Variants in PRKCB observed in about 807,000 individuals in gnomAD.
PRKCB encodes the protein protein kinase C beta type.
A neutral mutation model predicts 81.5 loss-of-function variants in PRKCB; 13 were observed. That is an observed-to-expected ratio of 0.16 (90% CI 0.10 to 0.25). PRKCB has a LOEUF of 0.25. PRKCB is among the 10% of genes least tolerant of loss of function. The pLI, the probability that PRKCB is intolerant of heterozygous loss-of-function variation, is 1.00. For missense variants in PRKCB, 509 were observed against 875.7 expected (o/e 0.58, Z 5.29); for synonymous variants, 335 against 321.4 (o/e 1.04, Z -0.45).
At chr16:23,897,053 C>T (rs1963392072) in intron 2 of PRKCB, among the ~76,000 whole-genome samples, 1 of 152,184 alleles carries the variant, frequency 6.6e-6, no homozygotes, top group Non-Finnish European at 1.5e-5. Context: ...TGAGTGCCTA[C>T]TGTGTGCCAG....
At chr16:24,194,528 A>T (rs1308604621) in intron 16 of PRKCB, among the ~76,000 whole-genome samples, 3 of 152,228 alleles carry the variant, frequency 2.0e-5, no homozygotes, top group Non-Finnish European at 4.4e-5. Flanking sequence ...TTTAGCCAGC[A>T]TCTGTTAGCA....
chr16:24,178,708 G>T (rs1361052862), intron 12 of PRKCB, among the ~76,000 whole-genome samples: 1 of 152,220 alleles, frequency 6.6e-6, no homozygotes, highest in Admixed American at 6.5e-5. Flanking sequence ...AGCGCCAAAG[G>T]CATGGCGTGT....
At chr16:24,174,829 CT>C in intron 12 of PRKCB, 1 of 427,384 alleles carries the variant, frequency 2.3e-6, no homozygotes, top group Non-Finnish European at 4.2e-6. Flanking sequence ...AAACAGGAGA[CT>C]GTTTGCTCTA....
chr16:24,063,725 G>C (rs974673995), intron 5 of PRKCB, among the ~76,000 whole-genome samples: 2 of 152,160 alleles, frequency 1.3e-5, no homozygotes, highest in Non-Finnish European at 1.5e-5. Flanking sequence ...TGCTGTGGCA[G>C]GAAGAATGTT....
chr16:24,109,486 C>T (rs1188778326), intron 7 of PRKCB, among the ~76,000 whole-genome samples: 3 of 111,784 alleles, frequency 2.7e-5, no homozygotes, highest in East Asian at 5.0e-4. Context: ...GGGGCAGAGG[C>T]GCTCCCCACA....
chr16:24,080,872 T>C (rs910412896), intron 5 of PRKCB, among the ~76,000 whole-genome samples: 1 of 152,214 alleles, frequency 6.6e-6, no homozygotes, highest in Non-Finnish European at 1.5e-5. Context: ...TGGTAAATTC[T>C]ACCAACACTT....
chr16:24,200,683 A>G (rs1026631624), intron 16 of PRKCB, among the ~76,000 whole-genome samples: 3 of 152,200 alleles, frequency 2.0e-5, no homozygotes, highest in Admixed American at 2.0e-4. Context: ...ATGTGTGTGC[A>G]TATATATGCA....
At chr16:23,880,808 A>G (rs1963094424) in intron 2 of PRKCB, among the ~76,000 whole-genome samples, 1 of 152,146 alleles carries the variant, frequency 6.6e-6, no homozygotes, top group South Asian at 2.1e-4. Flanking sequence ...AAATGTTAAT[A>G]CCTTGCTATC....
intron 16 of PRKCB, among the ~76,000 whole-genome samples, chr16:24,208,838 C>T (rs777749597): frequency 6.6e-6 from 1 of 152,194 alleles, no homozygotes; most frequent in Non-Finnish European, 1.5e-5. Context: ...ATTTGAAAAA[C>T]ACAGAAACAC....
rs1204149511 is a variant in PRKCB, at chr16:23,890,395, A to G, written c.205+52989A>G. 4.6e-5 allele frequency among the ~76,000 whole-genome samples: 7 copies of G among 152,118 alleles called. No individual in the cohort carries two copies. In the East Asian group the frequency reaches 1.3e-3, roughly 29 times the overall value. ...TTGTAGGGGCCTTTAATCTTTCTGT[A>G]ACTGTGATTCCCCAGAACAGGATGC... On this transcript the variant is annotated intron_variant, in intron 2 of 16. Transcript: ENST00000643927.
chr16:23,990,100 A>C (rs1964862849), intron 3 of PRKCB, among the ~76,000 whole-genome samples: 1 of 152,168 alleles, frequency 6.6e-6, no homozygotes, highest in Non-Finnish European at 1.5e-5. Context: ...GTCCATGATG[A>C]TGCTGATGAG....
chr16:24,166,258 T>C (rs1967346143), intron 10 of PRKCB, among the ~76,000 whole-genome samples: 1 of 152,190 alleles, frequency 6.6e-6, no homozygotes. Flanking sequence ...TATTTTAAAA[T>C]AATTGTGTGT....
chr16:24,103,329 T>G (rs1474985474), intron 7 of PRKCB, among the ~76,000 whole-genome samples: 2 of 152,346 alleles, frequency 1.3e-5, no homozygotes, highest in Admixed American at 6.5e-5. Context: ...ACCCCTAGAA[T>G]TAGATTTTTG....
rs558583777 is a variant in PRKCB at position 24,217,590 on chromosome 16, G to T, written c.*2774G>T. On this transcript the variant is annotated 3_prime_UTR_variant, in exon 17 of 17. Coordinates refer to ENST00000643927, the MANE Select transcript of PRKCB (RefSeq NM_002738.7). ...TATTTTCTCTGGGGATCTGCCCACA[G>T]GACAAAGTCCATAAAAGCAAGTCCT... The T allele has an allele frequency of 3.0e-6, 3 of 985,400 alleles. No homozygotes were observed. The South Asian group carries it at 1.4e-4, about 46-fold the overall frequency. 61.0% of individuals were successfully genotyped at this position (985,400 alleles called of 1,614,324 possible). A position where few individuals can be genotyped will look rare whatever the true frequency, so the allele number is the denominator to read the frequency against.
chr16:24,186,416 G>T (rs1567406034), intron 15 of PRKCB, among the ~76,000 whole-genome samples: 1 of 152,200 alleles, frequency 6.6e-6, no homozygotes, highest in Non-Finnish European at 1.5e-5. Context: ...CAAATGAAGT[G>T]ATTTTTCAAC....
intron 16 of PRKCB, among the ~76,000 whole-genome samples, chr16:24,212,322 G>T (rs1371262609): frequency 2.0e-5 from 3 of 149,458 alleles, no homozygotes; most frequent in East Asian, 3.9e-4. Context: ...AAAACACTTG[G>T]CAAATGTCTG....
chr16:23,880,739 A>G (rs1027644130), intron 2 of PRKCB, among the ~76,000 whole-genome samples: 1 of 151,944 alleles, frequency 6.6e-6, no homozygotes, highest in South Asian at 2.1e-4. Context: ...GAAGCAATAC[A>G]TCTTCATTAT....
chr16:24,006,199 G>T (rs1460260360), intron 3 of PRKCB, among the ~76,000 whole-genome samples: 1 of 152,152 alleles, frequency 6.6e-6, no homozygotes, highest in Non-Finnish European at 1.5e-5. Flanking sequence ...AGAAGTTCTC[G>T]TGGGCGATAC....
chr16:23,974,790 C>T (rs1034028509), intron 2 of PRKCB, among the ~76,000 whole-genome samples: 3 of 152,132 alleles, frequency 2.0e-5, no homozygotes, highest in South Asian at 4.1e-4. Context: ...GGTGCCAGGC[C>T]TCAGAGAGTA....
Sources: gnomAD v4.1 joint callset for allele counts (sites outside exome capture counted in the v4.1 genomes callset) on GRCh38, gnomAD v4.1.1 for gene constraint, MANE v1.5 for transcripts, NCBI Gene and HGNC (gene_info 2026-07-23, HGNC 2026-07-21) for gene names.